The following SUGCT variants were observed in gnomAD, a reference collection of about 807,000 sequenced individuals.
SUGCT encodes succinyl-CoA:glutarate CoA-transferase.
Under a neutral mutation model 55.0 loss-of-function variants are expected in SUGCT, and 41 were observed. The ratio of observed to expected loss-of-function variants is 0.74; its 90% CI spans 0.58 to 0.97. The LOEUF (loss-of-function observed/expected upper bound fraction) is 0.97, where lower values mean the gene tolerates loss of function less well. Among genes scored for constraint, SUGCT ranks in the 50% least tolerant of loss-of-function variants. The pLI is 0.00. For synonymous variants in SUGCT, 187 were observed against 200.4 expected (o/e 0.93, Z 0.56); for missense variants, 568 against 547.8 (o/e 1.04, Z -0.37).
At chr7:40,214,407 A>T (rs894911074) in intron 6 of SUGCT, among the ~76,000 whole-genome samples, 2 of 152,188 alleles carry the variant, frequency 1.3e-5, no homozygotes, top group Non-Finnish European at 2.9e-5. Context: ...TATTTACAGC[A>T]GCCCCATGGG....
chr7:40,518,556 T>G (rs1793368893), intron 12 of SUGCT, among the ~76,000 whole-genome samples: 1 of 152,162 alleles, frequency 6.6e-6, no homozygotes, highest in Admixed American at 6.5e-5. Flanking sequence ...AATATAGATA[T>G]GTTATGCATG....
chr7:40,780,327 A>G (rs1789669763), intron 13 of SUGCT, among the ~76,000 whole-genome samples: 2 of 152,170 alleles, frequency 1.3e-5, no homozygotes, highest in African/African-American at 2.4e-5. Flanking sequence ...GGTCTTTAAT[A>G]TTTTCCTCTG....
chr7:40,580,073 C>T (rs1037407662), intron 12 of SUGCT, among the ~76,000 whole-genome samples: 1 of 152,090 alleles, frequency 6.6e-6, no homozygotes, highest in African/African-American at 2.4e-5. Context: ...TATTATGTCT[C>T]TAATGATTAA....
the SUGCT span, among the ~76,000 whole-genome samples, chr7:40,940,562 G>A: frequency 6.6e-6 from 1 of 152,026 alleles, no homozygotes; most frequent in African/African-American, 2.4e-5. Flanking sequence ...TCTCTCAGCA[G>A]TGTTTGGTAG....
At chr7:40,609,633 G>A (rs1215120858) in intron 12 of SUGCT, among the ~76,000 whole-genome samples, 8 of 151,470 alleles carry the variant, frequency 5.3e-5, no homozygotes, top group Non-Finnish European at 1.0e-4. Context: ...TTACATATTG[G>A]TACTTCAAAA....
intron 13 of SUGCT, among the ~76,000 whole-genome samples, chr7:40,855,309 C>T (rs924891545): frequency 2.6e-5 from 4 of 151,196 alleles, no homozygotes; most frequent in Non-Finnish European, 5.9e-5. Flanking sequence ...AAAATTTATC[C>T]TCTTCTACTC....
intron 9 of SUGCT, among the ~76,000 whole-genome samples, chr7:40,337,577 C>CT (rs1796786208): frequency 6.6e-6 from 1 of 151,972 alleles, no homozygotes; most frequent in Non-Finnish European, 1.5e-5. Flanking sequence ...CAACCCCTGC[C>CT]TTTTTTTGTT....
chr7:40,787,304 G>A (rs994958767), intron 13 of SUGCT, among the ~76,000 whole-genome samples: 3 of 152,128 alleles, frequency 2.0e-5, no homozygotes, highest in Non-Finnish European at 4.4e-5. Flanking sequence ...ACACACTGGA[G>A]TAAGCCCTGT....
At position 40,291,114 on chromosome 7, in the gene SUGCT, C is replaced by T. The variant is rs561903492; in HGVS notation, c.720+16458C>T. 6.6e-5 allele frequency among the ~76,000 whole-genome samples: 10 copies of T among 152,038 alleles called. No homozygotes were observed. In the South Asian group the frequency reaches 1.9e-3, roughly 28 times the overall value. ...CAGTGTGGTGATTCCTCAGGGATCT[C>T]GAACTAGAAATACCATTTGACTCAG... On this transcript the variant is annotated intron_variant, in intron 8 of 13. Coordinates refer to ENST00000335693, the MANE Select transcript of SUGCT (RefSeq NM_001193313.2).
chr7:40,580,898 G>A (rs1797053693), intron 12 of SUGCT, among the ~76,000 whole-genome samples: 2 of 152,290 alleles, frequency 1.3e-5, no homozygotes, highest in Admixed American at 1.3e-4. Context: ...AGTAGGCTAT[G>A]TCATCTATTA....
At chr7:40,358,717 A>AACAACAACAACAACAAC (rs1797997610) in intron 9 of SUGCT, among the ~76,000 whole-genome samples, 1 of 150,658 alleles carries the variant, frequency 6.6e-6, no homozygotes, top group Non-Finnish European at 1.5e-5. Context: ...TCCATCTCAA[A>AACAACAACAACAACAAC]AACAACAACA....
chr7:40,540,233 G>T (rs950722579), intron 12 of SUGCT, among the ~76,000 whole-genome samples: 2 of 152,174 alleles, frequency 1.3e-5, no homozygotes, highest in African/African-American at 4.8e-5. Flanking sequence ...ATGGAATAGG[G>T]TGGAGAATAA....
At chr7:40,157,517 A>G (rs945614195) in intron 1 of SUGCT, among the ~76,000 whole-genome samples, 3 of 152,238 alleles carry the variant, frequency 2.0e-5, no homozygotes, top group Non-Finnish European at 4.4e-5. Flanking sequence ...CTTTCAGGTT[A>G]CAAGAATGAA....
the SUGCT span, among the ~76,000 whole-genome samples, chr7:40,878,502 G>C: frequency 1.3e-5 from 2 of 152,192 alleles, no homozygotes; most frequent in African/African-American, 2.4e-5. Flanking sequence ...AAAAGCCCTA[G>C]ATGCTACATT....
chr7:40,344,922 T>TGA (rs1478244075), intron 9 of SUGCT, among the ~76,000 whole-genome samples: 28 of 152,242 alleles, frequency 1.8e-4, no homozygotes, highest in Non-Finnish European at 4.1e-4. Context: ...CCGTATAAAG[T>TGA]GTTTAGCAAC....
chr7:40,998,959 G>A, the SUGCT span, among the ~76,000 whole-genome samples: 1 of 152,206 alleles, frequency 6.6e-6, no homozygotes, highest in Non-Finnish European at 1.5e-5. Flanking sequence ...TTATGATTCT[G>A]TAACAGGTAA....
chr7:40,610,751 G>T (rs553319442), intron 12 of SUGCT, among the ~76,000 whole-genome samples: 2 of 152,308 alleles, frequency 1.3e-5, no homozygotes, highest in African/African-American at 4.8e-5. Flanking sequence ...TGGAATCCCA[G>T]TGCTGGTTTG....
At chr7:40,674,124 T>G (rs563220030) in intron 12 of SUGCT, among the ~76,000 whole-genome samples, 7 of 152,320 alleles carry the variant, frequency 4.6e-5, no homozygotes, top group Non-Finnish European at 1.0e-4. Flanking sequence ...ATTCTTTGGT[T>G]TTTTCAAAGA....
intron 11 of SUGCT, among the ~76,000 whole-genome samples, chr7:40,472,350 A>G (rs559057538): frequency 6.6e-6 from 1 of 152,276 alleles, no homozygotes; most frequent in South Asian, 2.1e-4. Flanking sequence ...ACTAAAAATT[A>G]AATTTGCCAC....
Sources: allele counts gnomAD v4.1 joint callset (sites outside exome capture counted in the v4.1 genomes callset), GRCh38; gene constraint gnomAD v4.1.1; transcripts MANE v1.5; gene names NCBI Gene and HGNC (gene_info 2026-07-23, HGNC 2026-07-21).